The following SOX6 variants were observed in gnomAD, a reference collection of about 807,000 sequenced individuals.
SOX6 encodes the protein SRY-box transcription factor 6, also known as transcription factor SOX-6.
Under a neutral mutation model 97.8 loss-of-function variants are expected in SOX6, and 11 were observed. That is an observed-to-expected ratio of 0.11 (90% CI 0.07 to 0.19). The LOEUF is 0.19. Ranked by LOEUF, SOX6 falls within the 10% of genes least tolerant of loss-of-function variation. The pLI is 1.00. For synonymous variants in SOX6, 360 were observed against 371.4 expected (o/e 0.97, Z 0.35); for missense variants, 810 against 1,039.5 (o/e 0.78, Z 3.04).
At chr11:16,538,082 T>C (rs948971053) in intron 4 of SOX6, among the ~76,000 whole-genome samples, 2 of 152,088 alleles carry the variant, frequency 1.3e-5, no homozygotes, top group Non-Finnish European at 2.9e-5. Context: ...GAGAGAAAGG[T>C]CGGGTTACCC....
At chr11:16,562,805 C>G (rs948200586) in intron 4 of SOX6, among the ~76,000 whole-genome samples, 10 of 152,122 alleles carry the variant, frequency 6.6e-5, no homozygotes, top group African/African-American at 2.4e-4. Context: ...GCCACCTCTG[C>G]TAAGATGTCA....
intron 4 of SOX6, among the ~76,000 whole-genome samples, chr11:16,520,838 G>C (rs184215559): frequency 6.6e-6 from 1 of 152,232 alleles, no homozygotes; most frequent in Non-Finnish European, 1.5e-5. Flanking sequence ...CCAGCACCTG[G>C]CTCAGAGGGT....
chr11:16,142,700 G>A (rs543702870), intron 6 of SOX6, among the ~76,000 whole-genome samples: 233 of 152,228 alleles, frequency 1.5e-3, no homozygotes, highest in African/African-American at 5.1e-3. Flanking sequence ...ACTACGTGAC[G>A]AATGCCCAAG....
At chr11:16,128,677 A>G (rs1253733445) in intron 6 of SOX6, among the ~76,000 whole-genome samples, 2 of 152,118 alleles carry the variant, frequency 1.3e-5, no homozygotes, top group Non-Finnish European at 2.9e-5. Context: ...AAATATATAT[A>G]TATGCCTTCT....
chr11:16,708,487 C>T (rs1223228141), intron 3 of SOX6, among the ~76,000 whole-genome samples: 1 of 152,182 alleles, frequency 6.6e-6, no homozygotes, highest in East Asian at 1.9e-4. Flanking sequence ...AATATACCTA[C>T]ATTTTTTGTA....
At chr11:16,021,941 G>T (rs1855071296) in intron 12 of SOX6, among the ~76,000 whole-genome samples, 1 of 152,004 alleles carries the variant, frequency 6.6e-6, no homozygotes, top group Non-Finnish European at 1.5e-5. Context: ...AGAAGGTGAG[G>T]TTCAAAAAGA....
rs118189632 is a variant in SOX6, at chr11:16,062,762, G to T, written c.1102-6861C>A. Among the ~76,000 whole-genome samples, 912 of 151,600 alleles carry T rather than the reference G, an allele frequency of 6.0e-3. 7 individuals carry two copies. Among genetic ancestry groups the T allele is most frequent in the Non-Finnish European group, 9.1e-3 (615 of 67,646 alleles). Reference sequence around the variant, plus strand: ...CTTTAAGAAATGATTTTACTTTATGGCTTAAAATGTTCCACCTTTAATACT... The same window carrying T: ...CTTTAAGAAATGATTTTACTTTATGTCTTAAAATGTTCCACCTTTAATACT... On this transcript the variant is annotated intron_variant, in intron 9 of 15. Transcript: ENST00000683767.
At chr11:16,622,789 G>A (rs1434598733) in intron 3 of SOX6, among the ~76,000 whole-genome samples, 1 of 152,184 alleles carries the variant, frequency 6.6e-6, no homozygotes, top group Admixed American at 6.5e-5. Flanking sequence ...ACCCAGCAGT[G>A]AGACTGCTGG....
chr11:16,293,107 A>G (rs1390508584), intron 3 of SOX6, among the ~76,000 whole-genome samples: 1 of 152,200 alleles, frequency 6.6e-6, no homozygotes, highest in South Asian at 2.1e-4. Flanking sequence ...GTAAATTGTC[A>G]ATGTTTTTCC....
chr11:16,188,239 A>AG (rs1426913043), intron 4 of SOX6, among the ~76,000 whole-genome samples: 4 of 151,574 alleles, frequency 2.6e-5, no homozygotes, highest in East Asian at 1.9e-4. Context: ...CAAAAAAAAA[A>AG]AAAAAAAGAA....
Position 16,696,277 on chromosome 11 carries a change from G to A in SOX6, n.429+18553C>T, listed in dbSNP as rs74700764. ...CTTAAGTTCCGGTCTCAGTTCTTCC[G>A]CTAATTAAGTCATTAGATATATAAC... On this transcript the variant is annotated intron_variant and non_coding_transcript_variant, in intron 3 of 5. Transcript: ENST00000524520. 8.1e-3 allele frequency among the ~76,000 whole-genome samples: 1,227 copies of A among 152,210 alleles called. 11 individuals are homozygous for A. The highest frequency in any genetic ancestry group is 0.029 in the African/African-American group (1,184 of 41,518).
At chr11:16,704,668 T>C (rs1028596241) in intron 3 of SOX6, among the ~76,000 whole-genome samples, 6 of 152,194 alleles carry the variant, frequency 3.9e-5, no homozygotes, top group Non-Finnish European at 5.9e-5. Context: ...GAACATTATA[T>C]GTACCTATAG....
intron 4 of SOX6, among the ~76,000 whole-genome samples, chr11:16,511,924 C>T (rs943654620): frequency 6.6e-6 from 1 of 152,132 alleles, no homozygotes; most frequent in Non-Finnish European, 1.5e-5. Flanking sequence ...AAGCCCATTT[C>T]AGTGTCTTAC....
At chr11:16,716,927 G>T (rs1203019252) in intron 2 of SOX6, among the ~76,000 whole-genome samples, 1 of 152,012 alleles carries the variant, frequency 6.6e-6, no homozygotes, top group Admixed American at 6.6e-5. Context: ...GAAGGAAGGA[G>T]TCAGCGGCAC....
intron 1 of SOX6, among the ~76,000 whole-genome samples, chr11:16,452,965 A>G (rs532564109): frequency 6.6e-5 from 10 of 152,296 alleles, no homozygotes; most frequent in African/African-American, 2.4e-4. Flanking sequence ...AGTAAGATGA[A>G]CAGGGATGCT....
intron 3 of SOX6, among the ~76,000 whole-genome samples, chr11:16,641,408 G>T (rs964688347): frequency 6.6e-6 from 1 of 152,190 alleles, no homozygotes; most frequent in Non-Finnish European, 1.5e-5. Flanking sequence ...GAGTTCTGTA[G>T]ATGTCTATTA....
chr11:16,560,197 C>T (rs561853779), intron 4 of SOX6, among the ~76,000 whole-genome samples: 1 of 152,196 alleles, frequency 6.6e-6, no homozygotes, highest in African/African-American at 2.4e-5. Flanking sequence ...AACTGTTAAC[C>T]CCAGTTAAAA....
chr11:16,065,698 A>G (rs1848078139), intron 9 of SOX6, among the ~76,000 whole-genome samples: 1 of 152,168 alleles, frequency 6.6e-6, no homozygotes, highest in Non-Finnish European at 1.5e-5. Context: ...GAAAGACAGG[A>G]TATTCATATG....
intron 4 of SOX6, among the ~76,000 whole-genome samples, chr11:16,594,944 GC>G (rs1848195129): frequency 6.6e-6 from 1 of 151,930 alleles, no homozygotes; most frequent in Non-Finnish European, 1.5e-5. Context: ...GCCCCCCTCG[GC>G]CTCCCCGAAG....
Sources: gnomAD v4.1 joint callset for allele counts (sites outside exome capture counted in the v4.1 genomes callset) on GRCh38, gnomAD v4.1.1 for gene constraint, MANE v1.5 for transcripts, NCBI Gene and HGNC (gene_info 2026-07-23, HGNC 2026-07-21) for gene names.